FRMPD4: variants seen among roughly 807,000 people sequenced by gnomAD.
FRMPD4 encodes the protein FERM and PDZ domain containing 4.
In FRMPD4, 22 loss-of-function variants were observed where a neutral mutation model predicts 94.1. The ratio of observed to expected loss-of-function variants is 0.23; its 90% confidence interval spans 0.17 to 0.33. FRMPD4 has a LOEUF of 0.33. FRMPD4 is among the 10% of genes least tolerant of loss of function. FRMPD4 has a pLI of 1.00. For missense variants in FRMPD4, 1,111 were observed against 1,339.9 expected (o/e 0.83, Z 2.67); for synonymous variants, 631 against 548.6 (o/e 1.15, Z -2.10).
In FRMPD4 at chrX:12,138,868, C is replaced by T. The variant is rs2055643098; in HGVS notation, c.-104C>T. On this transcript the variant is annotated 5_prime_UTR_variant, in exon 1 of 17. Coordinates refer to ENST00000675598, the MANE Select transcript of FRMPD4 (RefSeq NM_001368397.1). Reference sequence around the variant, plus strand: ...CCACCCGCTGTCGCCGCGACTCGAGCCCCGGGCGCACTGAGGTCTTGGCCA... The same window carrying T: ...CCACCCGCTGTCGCCGCGACTCGAGTCCCGGGCGCACTGAGGTCTTGGCCA... The T allele has an allele frequency of 4.7e-6, 3 of 642,916 alleles. No homozygotes were observed. The highest frequency in any genetic ancestry group is 6.6e-6 in the Non-Finnish European group (3 of 456,983). 53.0% of individuals were successfully genotyped at this position (642,916 alleles called of 1,213,427 possible).
intron 16 of FRMPD4, 51 bp from the exon 17 acceptor site, chrX:12,720,483 C>G (rs373222997): frequency 5.3e-5 from 62 of 1,176,140 alleles, no homozygotes; most frequent in Non-Finnish European, 6.7e-5. Flanking sequence ...AAAATGACCT[C>G]CCAGGAGATG....
chrX:11,875,718 G>A (rs2053779201), intron 2 of FRMPD4, among the ~76,000 whole-genome samples: 2 of 110,018 alleles, frequency 1.8e-5, no homozygotes, highest in Admixed American at 9.7e-5. Context: ...CTCTCTTTGC[G>A]GCACACTCAA....
intron 2 of FRMPD4, among the ~76,000 whole-genome samples, chrX:11,876,116 C>A (rs937841021): frequency 4.6e-5 from 5 of 109,171 alleles, no homozygotes; most frequent in Non-Finnish European, 9.5e-5. Context: ...CCTCGTGATC[C>A]GCCCGCCTCG....
At chrX:11,997,200 G>C (rs1285026337) in intron 3 of FRMPD4, among the ~76,000 whole-genome samples, 1 of 110,713 alleles carries the variant, frequency 9.0e-6, no homozygotes, top group Non-Finnish European at 1.9e-5. Flanking sequence ...GACATGAAGG[G>C]GCATTTAAGA....
intron 3 of FRMPD4, among the ~76,000 whole-genome samples, chrX:11,905,675 G>A (rs1032054788): frequency 1.2e-4 from 13 of 110,967 alleles, no homozygotes; most frequent in African/African-American, 4.3e-4. Context: ...ATATATATTG[G>A]GGGTATTAAC....
chrX:11,891,518 A>G (rs2053873564), intron 3 of FRMPD4, among the ~76,000 whole-genome samples: 2 of 112,337 alleles, frequency 1.8e-5, no homozygotes, highest in South Asian at 3.7e-4. Context: ...AGAGAGCAAT[A>G]TTTATGTTTG....
At chrX:12,624,510 T>G (rs2059327626) in intron 4 of FRMPD4, among the ~76,000 whole-genome samples, 1 of 111,470 alleles carries the variant, frequency 9.0e-6, no homozygotes, top group Admixed American at 9.6e-5. Context: ...AAAAAACTAT[T>G]AGTAGATACA....
intron 1 of FRMPD4, among the ~76,000 whole-genome samples, chrX:12,346,891 A>C (rs1305729970): frequency 8.9e-6 from 1 of 112,339 alleles, no homozygotes; most frequent in Non-Finnish European, 1.9e-5. Context: ...TAGGATATGA[A>C]ATTATGTGGA....
intron 1 of FRMPD4, among the ~76,000 whole-genome samples, chrX:12,453,251 T>C (rs1326535636): frequency 1.8e-5 from 2 of 111,525 alleles, no homozygotes; most frequent in Non-Finnish European, 3.8e-5. Flanking sequence ...AAGAGTACGA[T>C]GTTCTGCTTC....
chrX:11,931,642 G>A (rs184861461), intron 3 of FRMPD4, among the ~76,000 whole-genome samples: 1 of 112,460 alleles, frequency 8.9e-6, no homozygotes, highest in African/African-American at 3.2e-5. Flanking sequence ...TAACTCTACT[G>A]CATTCTGTTG....
At chrX:11,931,707 G>T (rs1376174876) in intron 3 of FRMPD4, among the ~76,000 whole-genome samples, 1 of 112,284 alleles carries the variant, frequency 8.9e-6, no homozygotes, top group Non-Finnish European at 1.9e-5. Flanking sequence ...TTCCATTTCT[G>T]GATGGGAAAA....
At chrX:12,265,436 G>A (rs1309941900) in intron 1 of FRMPD4, among the ~76,000 whole-genome samples, 1 of 111,790 alleles carries the variant, frequency 8.9e-6, no homozygotes, top group East Asian at 2.8e-4. Context: ...TCTGGGGAAT[G>A]TGCTGACTGT....
chrX:12,442,569 A>C (rs1050590788), intron 1 of FRMPD4, among the ~76,000 whole-genome samples: 13 of 112,273 alleles, frequency 1.2e-4, no homozygotes, highest in Middle Eastern at 9.2e-3. Context: ...CTAAAAAGTC[A>C]GAAAATTACA....
intron 1 of FRMPD4, among the ~76,000 whole-genome samples, chrX:12,339,900 C>G (rs910067764): frequency 8.9e-6 from 1 of 112,557 alleles, no homozygotes; most frequent in African/African-American, 3.2e-5. Flanking sequence ...CAGGCGTAAG[C>G]CACTGCACCT....
intron 1 of FRMPD4, among the ~76,000 whole-genome samples, chrX:12,267,199 T>G (rs761767282): frequency 2.4e-4 from 27 of 112,048 alleles, no homozygotes; most frequent in African/African-American, 8.4e-4. Flanking sequence ...CGCTATATAA[T>G]CAAGAGGGAG....
At chrX:12,441,441 GT>G (rs911060033) in intron 1 of FRMPD4, among the ~76,000 whole-genome samples, 42 of 111,116 alleles carry the variant, frequency 3.8e-4, no homozygotes, top group African/African-American at 7.8e-4. Context: ...TCATTTGTTT[GT>G]TTTTTTTCCC....
At chrX:11,885,677 T>C (rs2053841534) in intron 3 of FRMPD4, among the ~76,000 whole-genome samples, 2 of 111,414 alleles carry the variant, frequency 1.8e-5, no homozygotes, top group African/African-American at 6.5e-5. Flanking sequence ...GGTGTTACTG[T>C]TGTTACACTT....
chrX:12,348,589 GAAAAAAAAAAA>G (rs35385075), intron 1 of FRMPD4, among the ~76,000 whole-genome samples: 2 of 66,106 alleles, frequency 3.0e-5, no homozygotes, highest in Non-Finnish European at 2.9e-5. Context: ...ATGCTTCCAG[GAAAAAAAAAAA>G]AAAAAAAAAG....
At chrX:12,060,618 T>C (rs1462823473) in intron 3 of FRMPD4, among the ~76,000 whole-genome samples, 2 of 111,324 alleles carry the variant, frequency 1.8e-5, no homozygotes, top group African/African-American at 6.5e-5. Context: ...GAATGGATCA[T>C]TGGCCTGGAA....
Sources: allele counts gnomAD v4.1 joint callset (sites outside exome capture counted in the v4.1 genomes callset), GRCh38; gene constraint gnomAD v4.1.1; transcripts MANE v1.5; gene names NCBI Gene and HGNC (gene_info 2026-07-23, HGNC 2026-07-21).